Variants in CDKAL1 observed in about 807,000 individuals in gnomAD.
The protein encoded by CDKAL1 is CDKAL1 threonylcarbamoyladenosine tRNA methylthiotransferase, also known as threonylcarbamoyladenosine tRNA methylthiotransferase.
CDKAL1 carries 32 observed loss-of-function variants against 68.2 expected under a neutral mutation model. That is an observed-to-expected ratio of 0.47 (90% CI 0.35 to 0.63). The LOEUF (loss-of-function observed/expected upper bound fraction) is 0.63. Ranked by LOEUF, CDKAL1 falls within the 30% of genes least tolerant of loss-of-function variation. The pLI is 0.00. For missense variants in CDKAL1, 606 were observed against 696.7 expected (o/e 0.87, Z 1.47); for synonymous variants, 234 against 244.3 (o/e 0.96, Z 0.39).
At chr6:20,928,818 C>T (rs367645023) in intron 9 of CDKAL1, among the ~76,000 whole-genome samples, 74 of 151,716 alleles carry the variant, frequency 4.9e-4, no homozygotes, top group African/African-American at 1.7e-3. Flanking sequence ...TAGACATGAG[C>T]CACTGTGTCC....
At chr6:20,742,708 T>A (rs1773509932) in intron 6 of CDKAL1, among the ~76,000 whole-genome samples, 1 of 152,040 alleles carries the variant, frequency 6.6e-6, no homozygotes, top group Admixed American at 6.5e-5. Context: ...AATTAGTATA[T>A]TTTGAAAAGT....
chr6:20,890,918 T>G (rs2150578091), intron 9 of CDKAL1, among the ~76,000 whole-genome samples: 1 of 152,360 alleles, frequency 6.6e-6, no homozygotes, highest in East Asian at 1.9e-4. Context: ...TACCATATTT[T>G]AGTTCCTCAT....
At chr6:20,805,815 AT>A (rs1776548735) in intron 8 of CDKAL1, among the ~76,000 whole-genome samples, 1 of 152,218 alleles carries the variant, frequency 6.6e-6, no homozygotes, top group South Asian at 2.1e-4. Context: ...ATCAGTAGTG[AT>A]TTTATTAAAT....
chr6:20,920,911 T>G (rs1387199949), intron 9 of CDKAL1, among the ~76,000 whole-genome samples: 2 of 152,194 alleles, frequency 1.3e-5, no homozygotes, highest in Non-Finnish European at 2.9e-5. Context: ...TGGCCCTAAC[T>G]GCTAAATGTG....
chr6:20,603,315 T>C (rs1437889876), intron 4 of CDKAL1, among the ~76,000 whole-genome samples: 2 of 152,214 alleles, frequency 1.3e-5, no homozygotes, highest in African/African-American at 4.8e-5. Flanking sequence ...TTGGCTGTTG[T>C]CTGACCTGTT....
intron 7 of CDKAL1, among the ~76,000 whole-genome samples, chr6:20,767,441 A>G (rs1298962000): frequency 1.3e-5 from 2 of 152,262 alleles, no homozygotes; most frequent in Admixed American, 6.5e-5. Context: ...TTGATAGGAC[A>G]TAGAAATTAT....
intron 9 of CDKAL1, among the ~76,000 whole-genome samples, chr6:20,872,047 C>CTT (rs1218564950): frequency 4.6e-5 from 7 of 152,202 alleles, no homozygotes; most frequent in Admixed American, 2.0e-4. Context: ...AAGACTCAAG[C>CTT]AAGTTCCTTA....
intron 5 of CDKAL1, among the ~76,000 whole-genome samples, chr6:20,672,350 T>C (rs920427772): frequency 1.3e-5 from 2 of 150,620 alleles, no homozygotes; most frequent in Non-Finnish European, 3.0e-5. Flanking sequence ...CTCTCTCTCT[T>C]TCCTTTCTTT....
intron 10 of CDKAL1, among the ~76,000 whole-genome samples, chr6:20,983,785 A>G (rs1044978677): frequency 6.6e-6 from 1 of 152,190 alleles, no homozygotes; most frequent in Non-Finnish European, 1.5e-5. Context: ...TAATACCTAT[A>G]TATTTTATGC....
At chr6:21,212,959 C>G (rs1779212526) in intron 15 of CDKAL1, among the ~76,000 whole-genome samples, 1 of 152,154 alleles carries the variant, frequency 6.6e-6, no homozygotes, top group Non-Finnish European at 1.5e-5. Context: ...TTGCCAACCC[C>G]TGAGAAGGAA....
intron 8 of CDKAL1, among the ~76,000 whole-genome samples, chr6:20,788,645 A>T (rs1775771838): frequency 6.6e-6 from 1 of 152,170 alleles, no homozygotes; most frequent in African/African-American, 2.4e-5. Flanking sequence ...CTACCTACTG[A>T]ATGTATAGCT....
At chr6:20,664,870 G>A (rs962093362) in intron 5 of CDKAL1, among the ~76,000 whole-genome samples, 2 of 152,060 alleles carry the variant, frequency 1.3e-5, no homozygotes, top group African/African-American at 4.8e-5. Context: ...GGCTTGAGGG[G>A]TATACAGCAT....
At chr6:21,085,077 A>T (rs568675538) in intron 12 of CDKAL1, among the ~76,000 whole-genome samples, 2 of 152,334 alleles carry the variant, frequency 1.3e-5, no homozygotes, top group South Asian at 4.1e-4. Flanking sequence ...AACGAGTTTA[A>T]TTTGATTTTA....
chr6:21,045,116 GAATGGGAC>G (rs1770148906), intron 11 of CDKAL1, among the ~76,000 whole-genome samples: 1 of 152,170 alleles, frequency 6.6e-6, no homozygotes, highest in African/African-American at 2.4e-5. Flanking sequence ...CATAGATTTT[GAATGGGAC>G]ACCATCATTC....
At chr6:20,866,245 G>T (rs1759900752) in intron 9 of CDKAL1, among the ~76,000 whole-genome samples, 1 of 152,114 alleles carries the variant, frequency 6.6e-6, no homozygotes, top group Non-Finnish European at 1.5e-5. Flanking sequence ...AAAAGCTAAT[G>T]CCAGTTCACA....
intron 4 of CDKAL1, among the ~76,000 whole-genome samples, chr6:20,621,173 G>T (rs1483812180): frequency 6.6e-6 from 1 of 152,052 alleles, no homozygotes; most frequent in Non-Finnish European, 1.5e-5. Flanking sequence ...AAAGAGCTTT[G>T]CTACTACATA....
At chr6:20,891,167 C>T (rs1761373343) in intron 9 of CDKAL1, among the ~76,000 whole-genome samples, 1 of 152,190 alleles carries the variant, frequency 6.6e-6, no homozygotes, top group African/African-American at 2.4e-5. Flanking sequence ...GAGTTACAGG[C>T]ACTATGGTGT....
intron 9 of CDKAL1, among the ~76,000 whole-genome samples, chr6:20,874,076 T>C (rs866600342): frequency 6.6e-6 from 1 of 152,122 alleles, no homozygotes; most frequent in African/African-American, 2.4e-5. Context: ...TTGAAGGACG[T>C]TGGGCCTGGG....
chr6:20,630,573 T>C, intron 4 of CDKAL1, among the ~76,000 whole-genome samples: 1 of 152,138 alleles, frequency 6.6e-6, no homozygotes, highest in East Asian at 1.9e-4. Flanking sequence ...AAAATTATTT[T>C]CTTAGAAAAA....
Sources: gnomAD v4.1 joint callset for allele counts (sites outside exome capture counted in the v4.1 genomes callset) on GRCh38, gnomAD v4.1.1 for gene constraint, MANE v1.5 for transcripts, NCBI Gene and HGNC (gene_info 2026-07-23, HGNC 2026-07-21) for gene names.